The following GPC6 variants were observed in gnomAD, a reference collection of about 807,000 sequenced individuals.
GPC6 encodes glypican-6.
A neutral mutation model predicts 55.2 loss-of-function variants in GPC6; 14 were observed. That is an observed-to-expected ratio of 0.25 (90% CI 0.17 to 0.40). GPC6 has a LOEUF of 0.40. Among genes scored for constraint, GPC6 ranks in the 10% least tolerant of loss-of-function variants. GPC6 has a pLI of 1.00. For missense variants in GPC6, 641 were observed against 708.5 expected (o/e 0.90, Z 1.08); for synonymous variants, 278 against 259.6 (o/e 1.07, Z -0.68).
chr13:94,112,043 C>T (rs1886267561), intron 4 of GPC6, among the ~76,000 whole-genome samples: 1 of 151,910 alleles, frequency 6.6e-6, no homozygotes, highest in Non-Finnish European at 1.5e-5. Flanking sequence ...AAGTAAACAT[C>T]GTAAAGAAAA....
intron 2 of GPC6, among the ~76,000 whole-genome samples, chr13:93,724,103 T>C (rs1196698136): frequency 3.3e-5 from 5 of 151,984 alleles, no homozygotes; most frequent in Non-Finnish European, 7.4e-5. Context: ...TTTTTTTTAC[T>C]ACAAGTAAAT....
chr13:93,329,350 A>G (rs1206890439), intron 1 of GPC6, among the ~76,000 whole-genome samples: 2 of 152,222 alleles, frequency 1.3e-5, no homozygotes, highest in Non-Finnish European at 2.9e-5. Context: ...GGCAACTTTT[A>G]TAAATCACTA....
At chr13:93,489,022 G>A (rs1446081438) in intron 1 of GPC6, among the ~76,000 whole-genome samples, 1 of 151,470 alleles carries the variant, frequency 6.6e-6, no homozygotes, top group East Asian at 2.2e-4. Flanking sequence ...TGCTCTTGGT[G>A]TTTTAGTCAT....
chr13:93,867,467 T>G (rs766166319), intron 3 of GPC6, among the ~76,000 whole-genome samples: 5 of 151,734 alleles, frequency 3.3e-5, no homozygotes, highest in Non-Finnish European at 5.9e-5. Context: ...GGGTTATTAA[T>G]AAAGCCTTCT....
intron 1 of GPC6, among the ~76,000 whole-genome samples, chr13:93,286,606 T>G (rs1878134765): frequency 6.6e-6 from 1 of 152,204 alleles, no homozygotes; most frequent in Admixed American, 6.5e-5. Context: ...ATTTTTACAT[T>G]ATTAAAAACA....
chr13:94,211,374 T>G (rs945004740), intron 4 of GPC6, among the ~76,000 whole-genome samples: 7 of 152,178 alleles, frequency 4.6e-5, no homozygotes, highest in African/African-American at 1.7e-4. Context: ...ACTTTTCAAC[T>G]TTGACTCCAT....
At chr13:93,524,787 T>A (rs953106291) in intron 1 of GPC6, among the ~76,000 whole-genome samples, 1 of 152,064 alleles carries the variant, frequency 6.6e-6, no homozygotes, top group African/African-American at 2.4e-5. Context: ...ATCTTTCAAG[T>A]ACCAAAGCCC....
chr13:94,351,549 A>G (rs1250872850), intron 6 of GPC6, among the ~76,000 whole-genome samples: 4 of 152,124 alleles, frequency 2.6e-5, no homozygotes, highest in East Asian at 3.9e-4. Context: ...CTCAACCACA[A>G]TCTTCTCTGA....
chr13:93,842,374 T>TA (rs940789354), intron 3 of GPC6, among the ~76,000 whole-genome samples: 8 of 152,136 alleles, frequency 5.3e-5, no homozygotes, highest in African/African-American at 1.9e-4. Flanking sequence ...CCATTTTCCA[T>TA]AAAATATCAA....
chr13:93,777,536 T>G (rs904221183), intron 2 of GPC6, among the ~76,000 whole-genome samples: 1 of 152,234 alleles, frequency 6.6e-6, no homozygotes, highest in African/African-American at 2.4e-5. Context: ...TTTTATTTTA[T>G]TACTGGCTTG....
At chr13:94,388,436 T>C (rs982193753) in intron 7 of GPC6, among the ~76,000 whole-genome samples, 1 of 152,240 alleles carries the variant, frequency 6.6e-6, no homozygotes, top group Non-Finnish European at 1.5e-5. Context: ...AGGCTTCACA[T>C]GTGCATCAGG....
intron 1 of GPC6, among the ~76,000 whole-genome samples, chr13:93,353,886 C>T (rs1380105462): frequency 6.6e-6 from 1 of 152,194 alleles, no homozygotes; most frequent in Non-Finnish European, 1.5e-5. Context: ...TGACAAAATT[C>T]ATATACATCT....
chr13:93,265,573 A>G (rs576124522), intron 1 of GPC6, among the ~76,000 whole-genome samples: 1 of 152,320 alleles, frequency 6.6e-6, no homozygotes, highest in South Asian at 2.1e-4. Flanking sequence ...CCCATCCCCA[A>G]GATATCTCAT....
intron 2 of GPC6, among the ~76,000 whole-genome samples, chr13:93,613,475 A>G (rs899838203): frequency 6.6e-6 from 1 of 151,428 alleles, no homozygotes; most frequent in Non-Finnish European, 1.5e-5. Flanking sequence ...CACATTAACC[A>G]TCTCTTTCAA....
At chr13:94,353,592 C>T (rs1594198543) in intron 6 of GPC6, among the ~76,000 whole-genome samples, 1 of 147,480 alleles carries the variant, frequency 6.8e-6, no homozygotes. Context: ...TATATATACA[C>T]ACACACACAC....
intron 6 of GPC6, among the ~76,000 whole-genome samples, chr13:94,313,102 A>G (rs1439424801): frequency 6.6e-6 from 1 of 152,166 alleles, no homozygotes; most frequent in East Asian, 1.9e-4. Flanking sequence ...CGTTAAAACC[A>G]AACCACCCAA....
intron 5 of GPC6, among the ~76,000 whole-genome samples, chr13:94,292,255 C>CGT (rs1875026814): frequency 1.1e-5 from 1 of 93,642 alleles, no homozygotes; most frequent in East Asian, 5.3e-4. Flanking sequence ...CTAATCGATG[C>CGT]ATAACCCTAA....
chr13:93,611,132 A>G (rs957766423), intron 2 of GPC6, among the ~76,000 whole-genome samples: 4 of 152,138 alleles, frequency 2.6e-5, no homozygotes, highest in African/African-American at 9.7e-5. Context: ...TTATTAGTAC[A>G]ATTATGTAAG....
rs574267263 is a variant in GPC6, at chr13:93,269,870, C to A, written c.160+42254C>A. On this transcript the variant is annotated intron_variant, in intron 1 of 8. Transcript: ENST00000377047. ...TTGCGTCACTGCACTCCAGCCTGGG[C>A]GACAGAGCAAGACTCCATCTCAAAA... is the stretch of plus-strand genomic sequence containing the variant. Among the ~76,000 whole-genome samples the A allele has an allele frequency of 1.9e-4, 22 of 118,162 alleles. No individual in the cohort carries two copies. In the East Asian group the frequency reaches 2.2e-3, roughly 12 times the overall value. 77.5% of individuals were successfully genotyped at this position (118,162 alleles called of 152,430 possible).
Sources: gnomAD v4.1 joint callset for allele counts (sites outside exome capture counted in the v4.1 genomes callset) on GRCh38, gnomAD v4.1.1 for gene constraint, MANE v1.5 for transcripts, NCBI Gene and HGNC (gene_info 2026-07-23, HGNC 2026-07-21) for gene names.